The following ADGRL2 variants were observed in gnomAD, a reference collection of about 807,000 sequenced individuals.
ADGRL2 encodes calcium-independent alpha-latrotoxin receptor 2.
A neutral mutation model predicts 157.4 loss-of-function variants in ADGRL2; 44 were observed. That is an observed-to-expected ratio of 0.28 (90% confidence interval 0.22 to 0.36). ADGRL2 has a LOEUF of 0.36. Among genes scored for constraint, ADGRL2 ranks in the 10% least tolerant of loss-of-function variants. ADGRL2 has a pLI of 1.00. For missense variants in ADGRL2, 1,510 were observed against 1,768.9 expected (o/e 0.85, Z 2.63); for synonymous variants, 585 against 624.7 (o/e 0.94, Z 0.95).
chr1:81,579,150 G>C (rs1303368820), intron 2 of ADGRL2: 1 of 152,152 alleles, frequency 6.6e-6, no homozygotes, highest in African/African-American at 2.4e-5. Flanking sequence ...ATTCCACCAA[G>C]GGGAAAGTTA....
Position 81,763,747 on chromosome 1 carries a change from G to A in ADGRL2, c.-101+1895G>A, listed in dbSNP as rs111938261. On this transcript the variant is annotated intron_variant, in intron 2 of 20. Transcript: ENST00000359929. ...AAAATATAAAAAATAGGGGCTAGGC[G>A]CAGTGGCTTACGCCTGTGGGAGACG... 4.3e-3 allele frequency among the ~76,000 whole-genome samples: 628 copies of A among 145,604 alleles called. 3 individuals are homozygous for A. The highest frequency in any genetic ancestry group is 6.8e-3 in the Non-Finnish European group (451 of 66,136).
chr1:81,779,444 A>G (rs1414692783), intron 2 of ADGRL2, among the ~76,000 whole-genome samples: 1 of 152,144 alleles, frequency 6.6e-6, no homozygotes, highest in Non-Finnish European at 1.5e-5. Flanking sequence ...AAATGAGTCC[A>G]TTCCTTTATT....
chr1:81,593,967 T>C (rs1278601922), intron 3 of ADGRL2, among the ~76,000 whole-genome samples: 1 of 152,204 alleles, frequency 6.6e-6, no homozygotes, highest in African/African-American at 2.4e-5. Context: ...GAGGCTTCTA[T>C]ATATTTCTGC....
At chr1:81,982,676 T>C (rs1182646407) in intron 19 of ADGRL2, among the ~76,000 whole-genome samples, 2 of 151,902 alleles carry the variant, frequency 1.3e-5, no homozygotes, top group African/African-American at 2.4e-5. Flanking sequence ...AACAGAGAAA[T>C]AGAATTGTGG....
chr1:81,433,047 T>A (rs1379879131), intron 1 of ADGRL2, among the ~76,000 whole-genome samples: 3 of 152,148 alleles, frequency 2.0e-5, no homozygotes, highest in African/African-American at 7.2e-5. Context: ...AACAACTTAC[T>A]GTTTAATGCT....
chr1:81,400,352 C>T (rs1000830456), intron 1 of ADGRL2, among the ~76,000 whole-genome samples: 3 of 152,104 alleles, frequency 2.0e-5, no homozygotes, highest in Non-Finnish European at 2.9e-5. Flanking sequence ...CAAGTTTGCT[C>T]TCTGTGGCAG....
chr1:81,318,148 C>T (rs1188346747), intron 1 of ADGRL2, among the ~76,000 whole-genome samples: 1 of 152,110 alleles, frequency 6.6e-6, no homozygotes, highest in East Asian at 1.9e-4. Context: ...CTGTTTCATG[C>T]TTTCCTGATT....
rs1014195159 is a variant in ADGRL2 at position 81,985,262 on chromosome 1, C to T, written c.3415C>T (p.Arg1139Cys). 1 of 1,558,002 alleles carries T rather than the reference C, an allele frequency of 6.4e-7. No homozygotes were observed. Among genetic ancestry groups the T allele is most frequent in the East Asian group, 2.3e-5 (1 of 44,254 alleles). ...TCTTGCTGTTTTGTATTAATAGAGT[C>T]GTATAAGAAGAATGTGGAATGATAC... ...SARYSSGTQS[R>C]IRRMWNDTVR... Residue 1139 changes from arginine (R) to cysteine (C), a missense_variant, in exon 21 of 24, where the codon CGT (arginine) becomes TGT (cysteine). By Grantham distance (180) the Arg-to-Cys change is radical (BLOSUM62 -3). Transcript: ENST00000686636.
chr1:81,548,238 C>T (rs1257685958), intron 2 of ADGRL2, among the ~76,000 whole-genome samples: 1 of 151,942 alleles, frequency 6.6e-6, no homozygotes, highest in Admixed American at 6.6e-5. Flanking sequence ...TCTTTTTTTA[C>T]TCTTTTTAAT....
At chr1:81,897,441 CAT>C (rs2094411813) in intron 2 of ADGRL2, among the ~76,000 whole-genome samples, 1 of 151,950 alleles carries the variant, frequency 6.6e-6, no homozygotes, top group South Asian at 2.1e-4. Flanking sequence ...AAGTATTAAA[CAT>C]AATATTTTAT....
At chr1:81,605,465 G>A (rs916207399) in intron 3 of ADGRL2, among the ~76,000 whole-genome samples, 2 of 152,182 alleles carry the variant, frequency 1.3e-5, no homozygotes, top group Non-Finnish European at 2.9e-5. Context: ...TCATACGAAA[G>A]ACACTTAAAG....
rs572133524 is a variant in ADGRL2 at position 81,443,623 on chromosome 1, T to C, written c.-301-1413T>C. ...ATACATTTTAAGCATTCAGAACCTA[T>C]ATACAATATTTTGAATTTTGGAAAG... On this transcript the variant is annotated intron_variant, in intron 1 of 24. Coordinates refer to the ADGRL2 transcript ENST00000370721. Among the ~76,000 whole-genome samples the C allele has an allele frequency of 2.6e-5, 4 of 152,284 alleles. No homozygotes were observed. In the South Asian group the frequency reaches 8.3e-4, roughly 32 times the overall value.
At chr1:81,754,705 C>CCT (rs370156350) in intron 1 of ADGRL2, among the ~76,000 whole-genome samples, 5 of 146,804 alleles carry the variant, frequency 3.4e-5, no homozygotes, top group African/African-American at 7.6e-5. Context: ...TTCCTTCCTT[C>CCT]CTCTCTCTCT....
At chr1:81,988,122 A>G (rs529745245) in intron 23 of ADGRL2, among the ~76,000 whole-genome samples, 7 of 152,158 alleles carry the variant, frequency 4.6e-5, no homozygotes, top group Non-Finnish European at 1.0e-4. Flanking sequence ...CAATGCTGAA[A>G]TAATTTGCTC....
At chr1:81,912,042 TTACATTATG>T (rs2094736941) in intron 3 of ADGRL2, among the ~76,000 whole-genome samples, 1 of 151,968 alleles carries the variant, frequency 6.6e-6, no homozygotes, top group Non-Finnish European at 1.5e-5. Flanking sequence ...CATAGCCTAC[TTACATTATG>T]ATGTTTCTTT....
At chr1:81,748,422 TC>T (rs1232592419) in intron 1 of ADGRL2, among the ~76,000 whole-genome samples, 2 of 125,912 alleles carry the variant, frequency 1.6e-5, no homozygotes, top group African/African-American at 6.3e-5. Flanking sequence ...TGAGCTGAGA[TC>T]GCGCCACCGC....
chr1:81,479,199 G>A (rs1396060697), intron 2 of ADGRL2, among the ~76,000 whole-genome samples: 2 of 152,020 alleles, frequency 1.3e-5, no homozygotes, highest in East Asian at 1.9e-4. Context: ...TAGGCTGGGT[G>A]TGGTGGCTCA....
intron 12 of ADGRL2, 85 bp from the exon 13 acceptor site, chr1:81,966,319 G>GTAA: frequency 6.6e-7 from 1 of 1,512,316 alleles, no homozygotes; most frequent in South Asian, 1.2e-5. Context: ...AGTGCCTTAG[G>GTAA]ACTTCATCAT....
At chr1:81,391,770 C>A (rs997979213) in intron 1 of ADGRL2, among the ~76,000 whole-genome samples, 4 of 152,132 alleles carry the variant, frequency 2.6e-5, no homozygotes, top group Non-Finnish European at 4.4e-5. Flanking sequence ...TCAAGAGACA[C>A]CATTCTGGCT....
Sources: allele counts gnomAD v4.1 joint callset (sites outside exome capture counted in the v4.1 genomes callset), GRCh38; gene constraint gnomAD v4.1.1; transcripts MANE v1.5; gene names NCBI Gene and HGNC (gene_info 2026-07-23, HGNC 2026-07-21).